SCFD2: variants seen among roughly 807,000 people sequenced by gnomAD.
SCFD2 encodes the protein sec1 family domain containing 2.
A neutral mutation model predicts 58.9 loss-of-function variants in SCFD2; 54 were observed. That is an observed-to-expected ratio of 0.92 (90% confidence interval 0.74 to 1.15). The LOEUF (loss-of-function observed/expected upper bound fraction) is 1.15, where lower values mean the gene tolerates loss of function less well. Ranked by LOEUF, SCFD2 falls within the 50% of genes most tolerant of loss-of-function variation. The pLI, the probability that SCFD2 is intolerant of heterozygous loss-of-function variation, is 0.00. For missense variants in SCFD2, 805 were observed against 836.6 expected (o/e 0.96, Z 0.47); for synonymous variants, 321 against 335.9 (o/e 0.96, Z 0.49).
At chr4:53,224,961 C>G (rs1214989596) in intron 4 of SCFD2, among the ~76,000 whole-genome samples, 1 of 152,052 alleles carries the variant, frequency 6.6e-6, no homozygotes, top group Non-Finnish European at 1.5e-5. Flanking sequence ...AATAACATTT[C>G]CACACCTCAT....
chr4:53,361,062 G>C (rs764445882), intron 1 of SCFD2, among the ~76,000 whole-genome samples: 1 of 152,116 alleles, frequency 6.6e-6, no homozygotes, highest in Non-Finnish European at 1.5e-5. Flanking sequence ...ACCTGCTACT[G>C]AGTACCTTCG....
intron 5 of SCFD2, among the ~76,000 whole-genome samples, chr4:52,938,518 G>C (rs546807493): frequency 6.8e-4 from 104 of 152,216 alleles, no homozygotes; most frequent in African/African-American, 2.3e-3. Context: ...CTTAGAAACT[G>C]CACTTTTATT....
At chr4:53,325,796 T>TCA (rs1733174282) in intron 2 of SCFD2, among the ~76,000 whole-genome samples, 1 of 152,226 alleles carries the variant, frequency 6.6e-6, no homozygotes, top group African/African-American at 2.4e-5. Flanking sequence ...CATTAACCCT[T>TCA]CAGTTCAAAC....
intron 5 of SCFD2, among the ~76,000 whole-genome samples, chr4:52,980,054 T>C (rs1378489066): frequency 1.3e-5 from 2 of 152,210 alleles, no homozygotes; most frequent in Admixed American, 1.3e-4. Context: ...ATGGTGCCCC[T>C]TGGGGTTGGC....
intron 5 of SCFD2, chr4:52,949,109 A>G (rs2109526785): frequency 6.6e-6 from 1 of 152,510 alleles, no homozygotes; most frequent in South Asian, 2.1e-4. Context: ...CCATGTTCTC[A>G]CCATAAGTTC....
At chr4:53,220,525 A>G (rs1424946529) in intron 4 of SCFD2, among the ~76,000 whole-genome samples, 1 of 152,238 alleles carries the variant, frequency 6.6e-6, no homozygotes, top group Non-Finnish European at 1.5e-5. Context: ...GTCATTTAAC[A>G]ATTTATCATA....
intron 3 of SCFD2, among the ~76,000 whole-genome samples, chr4:53,290,084 T>G (rs1731790820): frequency 6.6e-6 from 1 of 152,122 alleles, no homozygotes; most frequent in African/African-American, 2.4e-5. Flanking sequence ...CAAAAATTAA[T>G]AAGGAAATAC....
intron 4 of SCFD2, among the ~76,000 whole-genome samples, chr4:53,245,959 C>T (rs561485821): frequency 2.0e-5 from 3 of 152,224 alleles, no homozygotes; most frequent in South Asian, 2.1e-4. Context: ...ACTCTATAGT[C>T]GTGGCCCACA....
At chr4:53,253,905 A>T (rs559220850) in intron 4 of SCFD2, among the ~76,000 whole-genome samples, 2 of 150,376 alleles carry the variant, frequency 1.3e-5, no homozygotes, top group East Asian at 4.0e-4. Flanking sequence ...AAAAAAAAAA[A>T]ATAACAAAGT....
chr4:52,901,104 G>A (rs548265131), intron 7 of SCFD2, among the ~76,000 whole-genome samples: 24 of 152,358 alleles, frequency 1.6e-4, no homozygotes, highest in African/African-American at 5.5e-4. Context: ...GTGAGGCGAT[G>A]CCTCGACCTG....
intron 4 of SCFD2, among the ~76,000 whole-genome samples, chr4:53,194,996 A>G (rs956487788): frequency 1.3e-5 from 2 of 152,192 alleles, no homozygotes; most frequent in African/African-American, 2.4e-5. Context: ...GATGTCATGT[A>G]AAAACCCCAA....
chr4:53,310,031 G>T (rs1373968835), intron 3 of SCFD2, among the ~76,000 whole-genome samples: 1 of 152,156 alleles, frequency 6.6e-6, no homozygotes, highest in Non-Finnish European at 1.5e-5. Flanking sequence ...AATCAGAAGA[G>T]GCTAAAGTCA....
chr4:53,366,028 T>G lies in SCFD2; in HGVS notation c.-87A>C. ...TCCGGAAATTGGGCTCCGGGAGACT[T>G]TGACAGTCTCCACAGTACACGTGGT... On this transcript the variant is annotated 5_prime_UTR_variant, in exon 1 of 9. Transcript: ENST00000401642. 6.9e-7 allele frequency: 1 copy of G among 1,444,344 alleles called. No homozygotes were observed. The highest frequency in any genetic ancestry group is 9.2e-7 in the Non-Finnish European group (1 of 1,082,848). The allele number at this position is 1,444,344 out of a possible 1,614,324, so 89.5% of individuals were successfully genotyped here.
chr4:53,167,813 A>G, intron 4 of SCFD2, among the ~76,000 whole-genome samples: 1 of 152,208 alleles, frequency 6.6e-6, no homozygotes, highest in East Asian at 1.9e-4. Flanking sequence ...GTTTCTGCCC[A>G]TGAAAGCACT....
At chr4:53,119,847 G>A (rs1294220651) in intron 5 of SCFD2, among the ~76,000 whole-genome samples, 1 of 152,184 alleles carries the variant, frequency 6.6e-6, no homozygotes, top group Non-Finnish European at 1.5e-5. Context: ...TCACTACAAG[G>A]AGCTCACACA....
chr4:53,029,018 G>T (rs115454429), intron 5 of SCFD2, among the ~76,000 whole-genome samples: 1 of 152,268 alleles, frequency 6.6e-6, no homozygotes, highest in African/African-American at 2.4e-5. Flanking sequence ...GAAAAAGATG[G>T]CAGTTTCTAG....
At chr4:53,184,474 C>T (rs964854511) in intron 4 of SCFD2, among the ~76,000 whole-genome samples, 1 of 152,112 alleles carries the variant, frequency 6.6e-6, no homozygotes, top group African/African-American at 2.4e-5. Context: ...ACAACAGTAA[C>T]TGGAACCCTC....
Position 53,207,514 on chromosome 4 carries a change from A to T in SCFD2, c.1312-61932T>A, listed in dbSNP as rs1441677860. Among the ~76,000 whole-genome samples the T allele has an allele frequency of 3.9e-3, 172 of 44,506 alleles. 11 individuals are homozygous for T. Among genetic ancestry groups the T allele is most frequent in the African/African-American group, 0.018 (169 of 9,194 alleles). The allele number at this position is 44,506 out of a possible 152,430, so 29.2% of individuals were successfully genotyped here. A position where few individuals can be genotyped will look rare whatever the true frequency, so the allele number is the denominator to read the frequency against. On this transcript the variant is annotated intron_variant, in intron 4 of 8. Coordinates refer to ENST00000401642, the MANE Select transcript of SCFD2 (RefSeq NM_152540.4). ...TATTTCATATATATATATTATATATATTATATATATAATATTTATATATTA... is the reference window on the plus strand; with the variant it reads ...TATTTCATATATATATATTATATATTTTATATATATAATATTTATATATTA...
chr4:53,324,997 C>G, intron 2 of SCFD2, among the ~76,000 whole-genome samples: 1 of 152,158 alleles, frequency 6.6e-6, no homozygotes, highest in Non-Finnish European at 1.5e-5. Flanking sequence ...GTTCTTGAGG[C>G]TTGCCTCACC....
Sources: allele counts gnomAD v4.1 joint callset (sites outside exome capture counted in the v4.1 genomes callset), GRCh38; gene constraint gnomAD v4.1.1; transcripts MANE v1.5; gene names NCBI Gene and HGNC (gene_info 2026-07-23, HGNC 2026-07-21).